The following FBXW7 variants were observed in gnomAD, a reference collection of about 807,000 sequenced individuals.
FBXW7 encodes F-box and WD repeat domain containing 7.
Under a neutral mutation model 86.3 loss-of-function variants are expected in FBXW7, and 11 were observed. The ratio of observed to expected loss-of-function variants is 0.13; its 90% confidence interval spans 0.08 to 0.21. The LOEUF is 0.21. FBXW7 is among the 10% of genes least tolerant of loss of function. FBXW7 has a pLI of 1.00. For synonymous variants in FBXW7, 313 were observed against 297.9 expected (o/e 1.05, Z -0.52); for missense variants, 488 against 847.4 (o/e 0.58, Z 5.27).
At chr4:152,432,768 C>T (rs189367098) in intron 2 of FBXW7, among the ~76,000 whole-genome samples, 120 of 152,236 alleles carry the variant, frequency 7.9e-4, no homozygotes, top group African/African-American at 2.6e-3. Flanking sequence ...GACGAGATCG[C>T]GACACTGCAC....
chr4:152,361,086 C>A (rs1002812812), intron 4 of FBXW7, among the ~76,000 whole-genome samples: 1 of 151,926 alleles, frequency 6.6e-6, no homozygotes, highest in African/African-American at 2.4e-5. Context: ...TTATTGAGTA[C>A]CTATTTTGTT....
At chr4:152,408,538 G>A (rs1235949179) in intron 4 of FBXW7, among the ~76,000 whole-genome samples, 1 of 152,100 alleles carries the variant, frequency 6.6e-6, no homozygotes, top group Non-Finnish European at 1.5e-5. Flanking sequence ...GATTACTTTA[G>A]CCTTGAGCTG....
intron 4 of FBXW7, among the ~76,000 whole-genome samples, chr4:152,408,308 T>C (rs563432248): frequency 6.6e-6 from 1 of 152,324 alleles, no homozygotes; most frequent in African/African-American, 2.4e-5. Context: ...TCAAAGATTC[T>C]TCAATATGAG....
intron 2 of FBXW7, among the ~76,000 whole-genome samples, chr4:152,509,393 A>C (rs1039454820): frequency 6.6e-6 from 1 of 152,216 alleles, no homozygotes; most frequent in Non-Finnish European, 1.5e-5. Flanking sequence ...TGAAACCACC[A>C]ATCAAAACCA....
intron 2 of FBXW7, among the ~76,000 whole-genome samples, chr4:152,502,739 A>C (rs1747074440): frequency 6.6e-6 from 1 of 152,316 alleles, no homozygotes; most frequent in Non-Finnish European, 1.5e-5. Context: ...GGTATGCTAG[A>C]AATTTTCTAA....
rs988697084 is a variant in FBXW7 at position 152,372,622 on chromosome 4, A to C, written c.502-22498T>G. 5.3e-5 allele frequency among the ~76,000 whole-genome samples: 8 copies of C among 151,958 alleles called. 1 individual carries two copies. The highest frequency in any genetic ancestry group is 4.6e-4 in the Admixed American group (7 of 15,204). The stretch of plus-strand genomic sequence containing the variant: ...ACAAGGGACTGTGGACTTATTTCAC[A>C]CTTGTTTACCTTGCCAGGAGCTTAG... On this transcript the variant is annotated intron_variant, in intron 4 of 13. Transcript: ENST00000281708.
intron 2 of FBXW7, among the ~76,000 whole-genome samples, chr4:152,497,266 G>A (rs1242884312): frequency 7.4e-6 from 1 of 134,678 alleles, no homozygotes; most frequent in Non-Finnish European, 1.5e-5. Context: ...GAATTTGTGT[G>A]AGCCAAGATC....
chr4:152,445,091 G>T (rs1037282246), intron 2 of FBXW7, among the ~76,000 whole-genome samples: 3 of 152,082 alleles, frequency 2.0e-5, no homozygotes, highest in Non-Finnish European at 4.4e-5. Context: ...CTCCCAAAGC[G>T]CTAGGATTAC....
chr4:152,440,932 C>T (rs1740835542), intron 2 of FBXW7, among the ~76,000 whole-genome samples: 3 of 150,560 alleles, frequency 2.0e-5, no homozygotes, highest in East Asian at 2.0e-4. Flanking sequence ...TAAGTTTATA[C>T]GGTTTTTTTT....
chr4:152,322,950 T>A lies in FBXW7; in HGVS notation c.2055A>T (p.Ala685=), dbSNP rs758051481. The change falls in exon 14 of 14, where the codon GCA becomes GCT. Residue 685 remains alanine, a synonymous_variant. Coordinates refer to ENST00000281708, the MANE Select transcript of FBXW7 (RefSeq NM_001349798.2). ...CTTCAGTCCCATTCCGACTCCCAAC[T>A]GCACACACCAGCTTTGTGTTTGAGG... The part of the protein sequence containing the change: ...IRASNTKLVC[A]VGSRNGTEET... 1 of 1,613,828 alleles carries A rather than the reference T, an allele frequency of 6.2e-7. No homozygotes were observed.
Position 152,362,689 on chromosome 4 carries a change from A to G in FBXW7, c.502-12565T>C, listed in dbSNP as rs1229973412. On this transcript the variant is annotated intron_variant, in intron 4 of 13. Transcript: ENST00000281708. ...AAAATATAAAACAAATTAGCCAGGCATGGTGGTGGGCACCTGTAATCTCAG... is the reference window on the plus strand; with the variant it reads ...AAAATATAAAACAAATTAGCCAGGCGTGGTGGTGGGCACCTGTAATCTCAG... 5.3e-5 allele frequency among the ~76,000 whole-genome samples: 8 copies of G among 151,984 alleles called. No individual in the cohort carries two copies. In the East Asian group the frequency reaches 1.6e-3, roughly 29 times the overall value.
intron 2 of FBXW7, among the ~76,000 whole-genome samples, chr4:152,522,365 A>G (rs1749104307): frequency 2.0e-5 from 3 of 152,254 alleles, no homozygotes; most frequent in South Asian, 2.1e-4. Context: ...AACCTTAAAA[A>G]GAAATGAAAC....
chr4:152,462,789 A>C (rs768651908), intron 2 of FBXW7, among the ~76,000 whole-genome samples: 1 of 152,198 alleles, frequency 6.6e-6, no homozygotes, highest in African/African-American at 2.4e-5. Flanking sequence ...CTGCATTCTT[A>C]AAAGAAGAAT....
At chr4:152,533,954 C>A (rs892215526) in intron 2 of FBXW7, among the ~76,000 whole-genome samples, 1 of 152,192 alleles carries the variant, frequency 6.6e-6, no homozygotes, top group African/African-American at 2.4e-5. Context: ...GTTGTCTAGA[C>A]GGACCACAAT....
Position 152,468,837 on chromosome 4 carries a change from G to A in FBXW7, c.-119-56308C>T, listed in dbSNP as rs533542041. On this transcript the variant is annotated intron_variant, in intron 2 of 13. Coordinates refer to ENST00000281708, the MANE Select transcript of FBXW7 (RefSeq NM_001349798.2). ...CTGCTTCCCTCTAACTCAAATATACGCATCAATAGGGAAAAAAATGACAAT... is the reference window on the plus strand; with the variant it reads ...CTGCTTCCCTCTAACTCAAATATACACATCAATAGGGAAAAAAATGACAAT... 5.3e-5 allele frequency among the ~76,000 whole-genome samples: 8 copies of A among 151,810 alleles called. No homozygotes were observed. In the South Asian group the frequency reaches 8.3e-4, roughly 16 times the overall value.
chr4:152,481,554 A>G (rs967691017), intron 2 of FBXW7, among the ~76,000 whole-genome samples: 1 of 152,214 alleles, frequency 6.6e-6, no homozygotes, highest in South Asian at 2.1e-4. Context: ...TTCCTCTGAT[A>G]GATGTGGGCA....
At chr4:152,410,636 C>G (rs1737859616) in intron 4 of FBXW7, among the ~76,000 whole-genome samples, 1 of 152,064 alleles carries the variant, frequency 6.6e-6, no homozygotes, top group African/African-American at 2.4e-5. Context: ...TTAAACGATA[C>G]GATGTTAAAT....
chr4:152,408,573 A>C (rs1737641833), intron 4 of FBXW7, among the ~76,000 whole-genome samples: 1 of 152,156 alleles, frequency 6.6e-6, no homozygotes, highest in African/African-American at 2.4e-5. Flanking sequence ...ATGTTTTGTT[A>C]AGTGCCACAA....
intron 2 of FBXW7, among the ~76,000 whole-genome samples, chr4:152,431,357 T>C (rs750119911): frequency 3.3e-5 from 5 of 152,156 alleles, no homozygotes; most frequent in African/African-American, 4.8e-5. Flanking sequence ...CAGTGGGTTT[T>C]GTAAGGTGGG....
Sources: allele counts gnomAD v4.1 joint callset (sites outside exome capture counted in the v4.1 genomes callset), GRCh38; gene constraint gnomAD v4.1.1; transcripts MANE v1.5; gene names NCBI Gene and HGNC (gene_info 2026-07-23, HGNC 2026-07-21).